Variants in POLGARF observed in about 807,000 individuals in gnomAD.
POLGARF encodes the protein POLG alternative reading frame.
the POLGARF span, chr15:89,333,789 A>G: frequency 6.5e-7 from 1 of 1,534,616 alleles, no homozygotes; most frequent in Non-Finnish European, 8.7e-7. Flanking sequence ...GGGAGTCAGA[A>G]CACCTGGCTT....
the POLGARF span, chr15:89,333,764 A>T: frequency 1.3e-6 from 2 of 1,535,018 alleles, no homozygotes; most frequent in Non-Finnish European, 1.7e-6. Context: ...TGGTTGGTGC[A>T]GGGACCCCCA....
At chr15:89,333,572 C>G in the POLGARF span, 3 of 1,610,594 alleles carry the variant, frequency 1.9e-6, no homozygotes, top group Non-Finnish European at 2.5e-6. Flanking sequence ...CCGAGGATAG[C>G]ACTTGCGGCT....
the POLGARF span, chr15:89,333,461 G>C: frequency 6.2e-7 from 1 of 1,611,272 alleles, no homozygotes; most frequent in South Asian, 1.1e-5. Flanking sequence ...GGCGCACCGC[G>C]GCCTCGCCAG....
chr15:89,333,630 C>T, the POLGARF span: 47 of 1,423,618 alleles, frequency 3.3e-5, no homozygotes, highest in Admixed American at 1.3e-4. Context: ...CTGCTGCTGC[C>T]GCCGCCGCTG....
chr15:89,333,602 C>T, the POLGARF span: 2 of 1,548,422 alleles, frequency 1.3e-6, no homozygotes, highest in Non-Finnish European at 1.8e-6. Flanking sequence ...GCTGTTGCTG[C>T]TGCTGCTGCT....
chr15:89,333,617 CTGCTGCTGCT>C, the POLGARF span: 1 of 1,601,386 alleles, frequency 6.2e-7, no homozygotes, highest in African/African-American at 1.3e-5. Context: ...GCTGCTGCTG[CTGCTGCTGCT>C]GCCGCCGCCG....
At chr15:89,332,253 T>A in the POLGARF span, 1 of 152,238 alleles carries the variant, frequency 6.6e-6, no homozygotes, top group Non-Finnish European at 1.5e-5. Flanking sequence ...CATTTTCAAC[T>A]GCATATTTAA....
chr15:89,333,296 C>T, the POLGARF span: 1 of 1,554,038 alleles, frequency 6.4e-7, no homozygotes. Context: ...GCAAGTTGGC[C>T]GCCTCCAGGT....
the POLGARF span, among the ~76,000 whole-genome samples, chr15:89,332,604 G>A: frequency 6.9e-6 from 1 of 145,240 alleles, no homozygotes; most frequent in East Asian, 2.1e-4. Flanking sequence ...GCCGGCGGGG[G>A]CAGGGGGGCG....
chr15:89,332,624 T>G, the POLGARF span, among the ~76,000 whole-genome samples: 2 of 147,732 alleles, frequency 1.4e-5, no homozygotes, highest in Admixed American at 6.8e-5. Context: ...GGGGGGGTGT[T>G]GGTCTGGCGT....
At chr15:89,333,781 G>C in the POLGARF span, 2 of 1,534,876 alleles carry the variant, frequency 1.3e-6, no homozygotes, top group Non-Finnish European at 1.7e-6. Context: ...CCCACGCTGG[G>C]AGTCAGAACA....
At chr15:89,333,221 G>A in the POLGARF span, 5 of 1,579,560 alleles carry the variant, frequency 3.2e-6, no homozygotes, top group Admixed American at 3.5e-5. Flanking sequence ...CCTCGGGGCC[G>A]TACCGGGTCC....
At chr15:89,333,088 C>T in the POLGARF span, 1 of 1,511,658 alleles carries the variant, frequency 6.6e-7, no homozygotes, top group Non-Finnish European at 8.8e-7. Context: ...AACCCTGCCC[C>T]TACTTACCAG....
At chr15:89,330,313 G>A in the POLGARF span, 9 of 1,525,654 alleles carry the variant, frequency 5.9e-6, no homozygotes, top group East Asian at 2.3e-5. Flanking sequence ...TCACCATGGA[G>A]ACATTAAACT....
the POLGARF span, chr15:89,333,540 T>C: frequency 6.2e-7 from 1 of 1,612,746 alleles, no homozygotes. Context: ...GTCCAATGGG[T>C]TGTGCCGCAG....
the POLGARF span, among the ~76,000 whole-genome samples, chr15:89,331,440 C>T: frequency 6.6e-6 from 1 of 152,194 alleles, no homozygotes; most frequent in South Asian, 2.1e-4. Flanking sequence ...CAAGATGCAG[C>T]TCTGCAGCTG....
At chr15:89,333,593 CTGT>C in the POLGARF span, 2 of 1,603,048 alleles carry the variant, frequency 1.2e-6, no homozygotes, top group Non-Finnish European at 8.5e-7. Flanking sequence ...GCTGAGGCTG[CTGT>C]TGCTGCTGCT....
the POLGARF span, among the ~76,000 whole-genome samples, chr15:89,330,731 CAAA>C: frequency 8.5e-6 from 1 of 117,928 alleles, no homozygotes; most frequent in Non-Finnish European, 1.8e-5. Context: ...ATTGAATTGG[CAAA>C]AAAAAAAAAA....
chr15:89,331,789 T>A, the POLGARF span, among the ~76,000 whole-genome samples: 1 of 139,718 alleles, frequency 7.2e-6, no homozygotes, highest in African/African-American at 2.7e-5. Context: ...CACCCACCAG[T>A]CAGACTCCCA....
Sources: allele counts gnomAD v4.1 joint callset (sites outside exome capture counted in the v4.1 genomes callset), GRCh38; gene constraint gnomAD v4.1.1; transcripts MANE v1.5; gene names NCBI Gene and HGNC (gene_info 2026-07-23, HGNC 2026-07-21).